The following STPG4 variants were observed in gnomAD, a reference collection of about 807,000 sequenced individuals.
STPG4 encodes the protein sperm-tail PG-rich repeat containing 4.
STPG4 carries 41 observed loss-of-function variants against 31.5 expected under a neutral mutation model. The observed-to-expected ratio is 1.30, with a 90% confidence interval of 1.01 to 1.69. The LOEUF (loss-of-function observed/expected upper bound fraction) is 1.69. Ranked by LOEUF, STPG4 falls within the 40% of genes most tolerant of loss-of-function variation. STPG4 has a pLI of 0.00. For synonymous variants in STPG4, 141 were observed against 103.0 expected, an observed-to-expected ratio of 1.37 and a Z score of -2.24; for missense variants, 375 against 293.4, an observed-to-expected ratio of 1.28 and a Z score of -2.03.
intron 5 of STPG4, among the ~76,000 whole-genome samples, chr2:47,101,081 G>A (rs189323961): frequency 1.3e-5 from 2 of 151,970 alleles, no homozygotes; most frequent in African/African-American, 4.8e-5. Flanking sequence ...CTATCGCCAA[G>A]CAGTGAGTAC....
chr2:47,105,172 G>T (rs1018222378), intron 5 of STPG4, among the ~76,000 whole-genome samples: 1 of 151,920 alleles, frequency 6.6e-6, no homozygotes, highest in Non-Finnish European at 1.5e-5. Flanking sequence ...ATACGTCACA[G>T]AGAGAGCCGG....
At chr2:47,113,861 C>T (rs187956712) in intron 5 of STPG4, among the ~76,000 whole-genome samples, 3,884 of 151,958 alleles carry the variant, frequency 0.026, 173 homozygotes, top group African/African-American at 0.089. Context: ...GGTGAAACCC[C>T]GTCTCTACTA....
chr2:47,087,218 T>C, intron 6 of STPG4, 88 bp from the exon 7 acceptor site: 1 of 1,459,386 alleles, frequency 6.9e-7, no homozygotes, highest in Non-Finnish European at 9.3e-7. Context: ...TTGGATGTGG[T>C]GGACAAATTC....
intron 5 of STPG4, among the ~76,000 whole-genome samples, chr2:47,102,105 G>A (rs77207935): frequency 0.055 from 8,307 of 151,862 alleles, 418 homozygotes; most frequent in African/African-American, 0.11. Flanking sequence ...TGTTTCTGCT[G>A]CTGCGTCGGT....
chr2:47,093,813 G>A (rs939162583), intron 5 of STPG4, among the ~76,000 whole-genome samples: 3 of 152,194 alleles, frequency 2.0e-5, no homozygotes, highest in African/African-American at 7.2e-5. Flanking sequence ...CTGAGGAAGT[G>A]GATATAAGCC....
chr2:47,089,066 T>C (rs114070839), intron 6 of STPG4, among the ~76,000 whole-genome samples: 1 of 152,140 alleles, frequency 6.6e-6, no homozygotes. Context: ...AAATTTTCTA[T>C]AAGGGAGAGA....
intron 5 of STPG4, among the ~76,000 whole-genome samples, chr2:47,127,401 A>T (rs4465812): frequency 0.99 from 150,918 of 152,000 alleles, 74,927 homozygotes; most frequent in East Asian, 1. Context: ...CTCAAGTAGC[A>T]GGGATTACAG....
intron 3 of STPG4, among the ~76,000 whole-genome samples, chr2:47,144,329 G>A (rs1008313190): frequency 3.3e-5 from 5 of 152,102 alleles, no homozygotes; most frequent in African/African-American, 1.2e-4. Context: ...ACTAACCACA[G>A]GGGATGGCTG....
intron 5 of STPG4, among the ~76,000 whole-genome samples, chr2:47,111,082 G>C (rs370486628): frequency 2.0e-5 from 3 of 152,250 alleles, no homozygotes; most frequent in African/African-American, 7.2e-5. Flanking sequence ...GAATTTATGG[G>C]TGAAAAGGCA....
At chr2:47,098,772 G>C (rs200510942) in intron 5 of STPG4, among the ~76,000 whole-genome samples, 1 of 116,194 alleles carries the variant, frequency 8.6e-6, no homozygotes, top group Non-Finnish European at 1.9e-5. Flanking sequence ...AAAAAAAAAA[G>C]CCCCTCAGCA....
chr2:47,113,806 AGGT>A (rs1428002827), intron 5 of STPG4, among the ~76,000 whole-genome samples: 3 of 152,022 alleles, frequency 2.0e-5, no homozygotes, highest in African/African-American at 7.2e-5. Flanking sequence ...AGGCCGAGGC[AGGT>A]GGATCACGAG....
At chr2:47,134,028 A>G (rs1394333099) in intron 3 of STPG4, among the ~76,000 whole-genome samples, 1 of 151,532 alleles carries the variant, frequency 6.6e-6, no homozygotes, top group African/African-American at 2.4e-5. Flanking sequence ...TGGTGTGACT[A>G]CATATACACA....
intron 2 of STPG4, among the ~76,000 whole-genome samples, chr2:47,152,059 G>A (rs550002149): frequency 1.6e-4 from 25 of 152,212 alleles, no homozygotes; most frequent in Non-Finnish European, 3.2e-4. Flanking sequence ...CACCAGGCCC[G>A]GCCGAAATTT....
At chr2:47,123,972 A>T (rs1189396391) in intron 5 of STPG4, among the ~76,000 whole-genome samples, 2 of 151,612 alleles carry the variant, frequency 1.3e-5, no homozygotes, top group Non-Finnish European at 2.9e-5. Context: ...TCTTATTTTT[A>T]TTTTATTTAT....
intron 5 of STPG4, among the ~76,000 whole-genome samples, chr2:47,117,313 G>A (rs1164579883): frequency 1.3e-5 from 2 of 152,290 alleles, no homozygotes; most frequent in South Asian, 4.1e-4. Context: ...GGGTTCAAGT[G>A]ATTCTCCTGC....
chr2:47,122,544 T>C (rs566837456), intron 5 of STPG4, among the ~76,000 whole-genome samples: 33 of 152,182 alleles, frequency 2.2e-4, no homozygotes, highest in South Asian at 1.2e-3. Context: ...AGTTATTTAA[T>C]AATAAGTTAC....
In STPG4 at chr2:47,104,496, G is replaced by A. The variant is rs546120373; in HGVS notation, c.520-14122C>T. On this transcript the variant is annotated intron_variant, in intron 5 of 6. Transcript: ENST00000445927. ...CTCATATACCAGAGGAAGCAGAATG[G>A]TTCATGGTTCTGGACCTCAAGGATG... 2.4e-4 allele frequency among the ~76,000 whole-genome samples: 37 copies of A among 152,094 alleles called. 1 individual carries two copies. Among genetic ancestry groups the A allele is most frequent in the Middle Eastern group, 6.8e-3 (2 of 294 alleles).
chr2:47,087,121 C>T lies in STPG4; in HGVS notation c.634G>A (p.Gly212Ser). Residue 212 changes from glycine to serine, a missense_variant, in exon 7 of 7, where the codon GGC becomes AGC. Gly to Ser is a moderately conservative substitution (Grantham distance 56). Transcript: ENST00000445927. ...CTTAAAGTTGTATATGCTCCTGGGC[C>T]TGGGGTTTTCTGAAAACAGAGCAGA... is the stretch of plus-strand genomic sequence containing the variant. ...RFLPSCSKTP[G>S]PGAYTTLRQF... is the part of the protein sequence containing the mutation. 1 of 1,551,728 alleles carries T rather than the reference C, an allele frequency of 6.4e-7. No homozygotes were observed. The highest frequency in any genetic ancestry group is 8.7e-7 in the Non-Finnish European group (1 of 1,146,998).
rs551927566 is a variant in STPG4, at chr2:47,119,355, C to G, written c.519+10586G>C. Among the ~76,000 whole-genome samples, 31 of 152,290 alleles carry G rather than the reference C, an allele frequency of 2.0e-4. No individual in the cohort carries two copies. The South Asian group carries it at 6.4e-3, about 32-fold the overall frequency. On this transcript the variant is annotated intron_variant, in intron 5 of 6. Transcript: ENST00000445927. ...TAAAATGGAATGGATGAGGTGATATCAGTAAAAGTGGCAGAGTAAGCATCT... is the reference window on the plus strand; with the variant it reads ...TAAAATGGAATGGATGAGGTGATATGAGTAAAAGTGGCAGAGTAAGCATCT...
Sources: gnomAD v4.1 joint callset for allele counts (sites outside exome capture counted in the v4.1 genomes callset) on GRCh38, gnomAD v4.1.1 for gene constraint, MANE v1.5 for transcripts, NCBI Gene and HGNC (gene_info 2026-07-23, HGNC 2026-07-21) for gene names.